Variants in WFDC3 observed in about 807,000 individuals in gnomAD.
WFDC3 encodes WAP four-disulfide core domain protein 3.
In WFDC3, 15 loss-of-function variants were observed where a neutral mutation model predicts 25.8. The ratio of observed to expected loss-of-function variants is 0.58; its 90% CI spans 0.39 to 0.89. The LOEUF is 0.89. Ranked by LOEUF, WFDC3 falls within the 40% of genes least tolerant of loss-of-function variation. WFDC3 has a pLI of 0.00. For synonymous variants in WFDC3, 103 were observed against 107.1 expected, an observed-to-expected ratio of 0.96 and a Z score of 0.24; for missense variants, 264 against 289.8, an observed-to-expected ratio of 0.91 and a Z score of 0.65.
At chr20:45,780,012 T>C (rs1475194535) in intron 4 of WFDC3, 1 of 150,328 alleles carries the variant, frequency 6.7e-6, no homozygotes, top group East Asian at 2.0e-4. Flanking sequence ...GGGGCCTCAC[T>C]ACCTCCAAGC....
At chr20:45,788,728 G>T (rs1980800387) in intron 3 of WFDC3, 6 of 585,958 alleles carry the variant, frequency 1.0e-5, no homozygotes, top group Admixed American at 3.8e-5. Context: ...ATAATCAATG[G>T]TGCGCTCTTT....
chr20:45,785,233 G>A (rs1275174843), intron 4 of WFDC3, among the ~76,000 whole-genome samples: 1 of 152,152 alleles, frequency 6.6e-6, no homozygotes, highest in African/African-American at 2.4e-5. Context: ...CATTTTGGGA[G>A]CCAAGGTGGG....
At chr20:45,776,603 AAAAAAAAAAGAAAAAAAAG>A (rs1489368424) in intron 5 of WFDC3, among the ~76,000 whole-genome samples, 9,645 of 64,868 alleles carry the variant, frequency 0.15, 842 homozygotes, top group Non-Finnish European at 0.18. Context: ...GTCTCAAAAA[AAAAAAAAAAGAAAAAAAAG>A]AAAAAAAAAA....
rs969490007 is a variant in WFDC3 at position 45,788,675 on chromosome 20, T to C, written c.211+256A>G. 2.1e-5 allele frequency: 8 copies of C among 381,384 alleles called. No individual in the cohort carries two copies. The Admixed American group carries it at 3.1e-4, about 15-fold the overall frequency. 23.6% of individuals were successfully genotyped at this position (381,384 alleles called of 1,614,324 possible). On this transcript the variant is annotated intron_variant, in intron 3 of 6. Coordinates refer to ENST00000243938, the MANE Select transcript of WFDC3 (RefSeq NM_080614.2). ...CAGCCTTCCCTTTACAACTCTTCCC[T>C]CCAGCCTTCACAGGAACTTTGAGTC...
intron 4 of WFDC3, among the ~76,000 whole-genome samples, chr20:45,780,506 T>C (rs1244358303): frequency 2.0e-5 from 3 of 152,190 alleles, no homozygotes; most frequent in East Asian, 3.9e-4. Context: ...GGCTTTGCCA[T>C]GCTAGGTAAG....
At chr20:45,790,734 A>AT (rs1980927004) in intron 1 of WFDC3, among the ~76,000 whole-genome samples, 1 of 152,086 alleles carries the variant, frequency 6.6e-6, no homozygotes. Context: ...CAAAAAAAAA[A>AT]AAAAGAGAGA....
intron 3 of WFDC3, chr20:45,788,720 A>C: frequency 1.9e-6 from 1 of 532,214 alleles, no homozygotes; most frequent in Non-Finnish European, 3.1e-6. Flanking sequence ...AGACATAGAT[A>C]ATCAATGGTG....
At chr20:45,776,597 CAAAAAAAAAAAAAAAGAAAAAAAAG>C (rs1187003376) in intron 5 of WFDC3, among the ~76,000 whole-genome samples, 2 of 12,906 alleles carry the variant, frequency 1.5e-4, no homozygotes, top group African/African-American at 5.1e-4. Flanking sequence ...GACTCTGTCT[CAAAAAAAAAAAAAAAGAAAAAAAAG>C]AAAAAAAAAA....
intron 6 of WFDC3, among the ~76,000 whole-genome samples, 154 bp downstream of exon 6, chr20:45,775,263 G>A (rs1367411311): frequency 6.6e-6 from 1 of 152,182 alleles, no homozygotes; most frequent in Admixed American, 6.5e-5. Flanking sequence ...GTGTAAGCCT[G>A]TACTGTTTGT....
chr20:45,780,789 T>G (rs1980407202), intron 4 of WFDC3, among the ~76,000 whole-genome samples: 1 of 152,154 alleles, frequency 6.6e-6, no homozygotes, highest in Non-Finnish European at 1.5e-5. Context: ...ATTTCAGCAC[T>G]TCTTAACCCA....
At chr20:45,789,577 C>G (rs1046657638) in intron 2 of WFDC3, among the ~76,000 whole-genome samples, 1 of 151,946 alleles carries the variant, frequency 6.6e-6, no homozygotes. Flanking sequence ...TCCACCACTG[C>G]TAAAGGAGCA....
chr20:45,783,497 A>C (rs1980539539), intron 4 of WFDC3, among the ~76,000 whole-genome samples: 1 of 151,970 alleles, frequency 6.6e-6, no homozygotes, highest in African/African-American at 2.4e-5. Context: ...AATAAATAAA[A>C]TGCATTTCTT....
chr20:45,780,453 G>A (rs1471906182), intron 4 of WFDC3, among the ~76,000 whole-genome samples: 2 of 152,126 alleles, frequency 1.3e-5, no homozygotes, highest in Non-Finnish European at 1.5e-5. Flanking sequence ...AAACCTGGCG[G>A]ATGCCATTCT....
Position 45,787,985 on chromosome 20 carries a change from G to A in WFDC3, c.212-3C>T. 3.1e-6 allele frequency: 5 copies of A among 1,609,348 alleles called. No individual in the cohort carries two copies. Among genetic ancestry groups the A allele is most frequent in the Non-Finnish European group, 4.2e-6 (5 of 1,178,360 alleles). ...CCTAGGGCAATCTCTTTTCCTCCCTGTAGCAAAAAGGGAGACAGCAAAGAA... is the reference window on the plus strand; with the variant it reads ...CCTAGGGCAATCTCTTTTCCTCCCTATAGCAAAAAGGGAGACAGCAAAGAA... On this transcript the variant is annotated splice_region_variant and splice_polypyrimidine_tract_variant and intron_variant, in intron 3 of 6. Transcript: ENST00000243938.
At chr20:45,790,821 A>C (rs1485814418) in intron 1 of WFDC3, 1 of 442,606 alleles carries the variant, frequency 2.3e-6, no homozygotes, top group Non-Finnish European at 4.7e-6. Flanking sequence ...AAACACCTAC[A>C]TCTTTGTCCC....
chr20:45,789,202 T>C, intron 2 of WFDC3, 143 bp from the exon 3 acceptor site: 1 of 1,078,454 alleles, frequency 9.3e-7, no homozygotes, highest in Non-Finnish European at 1.2e-6. Flanking sequence ...AGACCCTGTC[T>C]CTTAAAAAAA....
chr20:45,775,606 T>G lies in WFDC3; in HGVS notation c.494-4A>C. On this transcript the variant is annotated splice_region_variant and splice_polypyrimidine_tract_variant and intron_variant, in intron 5 of 6. Coordinates refer to ENST00000243938, the MANE Select transcript of WFDC3 (RefSeq NM_080614.2). ...TTTGGACAATCACCGCCCCGCCCTG[T>G]GGGAACAACAGGCACAGGAAAAGGG... 6.2e-7 allele frequency: 1 copy of G among 1,614,002 alleles called. No homozygotes were observed. The highest frequency in any genetic ancestry group is 8.5e-7 in the Non-Finnish European group (1 of 1,179,932).
intron 1 of WFDC3, among the ~76,000 whole-genome samples, chr20:45,790,375 C>T (rs1020655676): frequency 3.9e-5 from 6 of 152,204 alleles, no homozygotes; most frequent in Non-Finnish European, 8.8e-5. Context: ...CACGACACTA[C>T]TTAATGGCCA....
chr20:45,786,348 C>T (rs1332842338), intron 4 of WFDC3, among the ~76,000 whole-genome samples: 1 of 152,094 alleles, frequency 6.6e-6, no homozygotes, highest in African/African-American at 2.4e-5. Flanking sequence ...GAAACAAGAT[C>T]GTGCCACTGC....
Sources: allele counts gnomAD v4.1 joint callset (sites outside exome capture counted in the v4.1 genomes callset), GRCh38; gene constraint gnomAD v4.1.1; transcripts MANE v1.5; gene names NCBI Gene and HGNC (gene_info 2026-07-23, HGNC 2026-07-21).